The following ATXN3 variants were observed in gnomAD, a reference collection of about 807,000 sequenced individuals.
ATXN3 encodes ataxin 3, also known as ataxin-3.
Under a neutral mutation model 58.2 loss-of-function variants are expected in ATXN3, and 28 were observed. That is an observed-to-expected ratio of 0.48 (90% confidence interval 0.36 to 0.66). The LOEUF (loss-of-function observed/expected upper bound fraction) is 0.66. Among genes scored for constraint, ATXN3 ranks in the 30% least tolerant of loss-of-function variants. The pLI is 0.00. For missense variants in ATXN3, 321 were observed against 422.1 expected, an observed-to-expected ratio of 0.76 and a Z score of 2.10; for synonymous variants, 113 against 138.5, an observed-to-expected ratio of 0.82 and a Z score of 1.29.
rs779963548 is a variant in ATXN3 at position 92,088,830 on chromosome 14, T to G, written c.388-13A>C. 6.5e-7 allele frequency: 1 copy of G among 1,533,328 alleles called. No homozygotes were observed. Among genetic ancestry groups the G allele is most frequent in the Non-Finnish European group, 9.0e-7 (1 of 1,108,016 alleles). The allele number at this position is 1,533,328 out of a possible 1,614,324, so 95.0% of individuals were successfully genotyped here. The stretch of plus-strand genomic sequence containing the variant: ...TCAAGTTAAACCACTGGAAAAAAAT[T>G]GTCAATATTTAAGTTAGTGTATATT... On this transcript the variant is annotated splice_polypyrimidine_tract_variant and intron_variant, in intron 5 of 10. Coordinates refer to ENST00000644486, the MANE Select transcript of ATXN3 (RefSeq NM_004993.6).
Position 92,064,601 on chromosome 14 carries a change from C to A in ATXN3, c.992-187G>T, listed in dbSNP as rs567182665. Among the ~76,000 whole-genome samples the A allele has an allele frequency of 4.6e-5, 7 of 152,266 alleles. No homozygotes were observed. In the South Asian group the frequency reaches 1.2e-3, roughly 27 times the overall value. On this transcript the variant is annotated intron_variant, in intron 10 of 10. Transcript: ENST00000644486. Reference sequence around the variant, plus strand: ...ACAAATACACCATCAAGATACACAACCATTCCATTGCCCCAGAAAATTCCC... The same window carrying A: ...ACAAATACACCATCAAGATACACAAACATTCCATTGCCCCAGAAAATTCCC...
rs372732054 is a variant in ATXN3 at position 92,070,355 on chromosome 14, G to A, written c.991+580C>T. 5.9e-5 allele frequency among the ~76,000 whole-genome samples: 9 copies of A among 152,254 alleles called. No homozygotes were observed. The East Asian group carries it at 9.7e-4, about 16-fold the overall frequency. On this transcript the variant is annotated intron_variant, in intron 10 of 10. Transcript: ENST00000644486. ...AGCACTTTGGGAGGCCGAGGCGGGC[G>A]GATCATGAGGTCAGGAGATTGAGAC...
intron 1 of ATXN3, among the ~76,000 whole-genome samples, chr14:92,105,086 T>C (rs768864175): frequency 2.1e-4 from 32 of 152,070 alleles, no homozygotes; most frequent in Non-Finnish European, 4.4e-4. Context: ...TCAGCCTATT[T>C]CAAAAGTTTC....
chr14:92,080,718 T>C (rs2061312007), intron 9 of ATXN3: 1 of 430,418 alleles, frequency 2.3e-6, no homozygotes, highest in South Asian at 1.7e-5. Flanking sequence ...GTATTTTTAG[T>C]AGAGATGGGG....
intron 10 of ATXN3, 82 bp downstream of exon 10, chr14:92,070,853 T>TG (rs1271316959): frequency 6.2e-7 from 1 of 1,612,226 alleles, no homozygotes; most frequent in Non-Finnish European, 8.5e-7. Flanking sequence ...TGAAGAATAA[T>TG]GTAAAGCAAA....
At chr14:92,065,454 C>T (rs1190494373) in intron 10 of ATXN3, among the ~76,000 whole-genome samples, 2 of 152,170 alleles carry the variant, frequency 1.3e-5, no homozygotes, top group Non-Finnish European at 2.9e-5. Context: ...CTATTTTTGG[C>T]TGGGCACAGT....
At chr14:92,100,931 T>A (rs1410501663) in intron 1 of ATXN3, among the ~76,000 whole-genome samples, 1 of 152,238 alleles carries the variant, frequency 6.6e-6, no homozygotes, top group Non-Finnish European at 1.5e-5. Flanking sequence ...AAATTTCCTG[T>A]CTTGCTGTCA....
downstream of ATXN3, among the ~76,000 whole-genome samples, chr14:92,057,115 C>G (rs1355764699): frequency 6.6e-6 from 1 of 152,138 alleles, no homozygotes; most frequent in East Asian, 1.9e-4. Flanking sequence ...ATAATCCACC[C>G]CTTGTTTAGC....
At chr14:92,088,383 A>G (rs1343061298) in intron 6 of ATXN3, among the ~76,000 whole-genome samples, 1 of 152,160 alleles carries the variant, frequency 6.6e-6, no homozygotes, top group Non-Finnish European at 1.5e-5. Flanking sequence ...AGGGGCATGT[A>G]TTTCAAAGAA....
intron 10 of ATXN3, 36 bp downstream of exon 10, chr14:92,070,899 A>AG: frequency 6.2e-7 from 1 of 1,613,760 alleles, no homozygotes; most frequent in Non-Finnish European, 8.5e-7. Context: ...TAAAGTGTGA[A>AG]GGTAGCGAAC....
At chr14:92,057,324 G>A (rs551576886), downstream of ATXN3, among the ~76,000 whole-genome samples, 5 of 152,112 alleles carry the variant, frequency 3.3e-5, no homozygotes, top group African/African-American at 1.2e-4. Context: ...GCTGAGGCAG[G>A]AGAATTGCTT....
At chr14:92,052,555 G>T (rs2057452621), upstream of ATXN3, among the ~76,000 whole-genome samples, 1 of 151,926 alleles carries the variant, frequency 6.6e-6, no homozygotes, top group South Asian at 2.1e-4. Context: ...ACTGCTAATT[G>T]TTCCCCAAAG....
chr14:92,074,943 A>C (rs1283489559), intron 9 of ATXN3, among the ~76,000 whole-genome samples: 1 of 152,228 alleles, frequency 6.6e-6, no homozygotes, highest in Admixed American at 6.5e-5. Context: ...GTATGTATGG[A>C]ATACTTTACA....
chr14:92,086,258 A>AAAAAAAAG, intron 6 of ATXN3, among the ~76,000 whole-genome samples: 1 of 149,894 alleles, frequency 6.7e-6, no homozygotes, highest in African/African-American at 2.5e-5. Flanking sequence ...AAATACAAAA[A>AAAAAAAAG]AAAAAAAAAA....
At chr14:92,097,015 C>T in intron 1 of ATXN3, 177 bp from the exon 2 acceptor site, 2 of 545,050 alleles carry the variant, frequency 3.7e-6, no homozygotes, top group East Asian at 3.8e-5. Flanking sequence ...TCATGCCATT[C>T]TCCTGCCTCA....
At chr14:92,085,822 A>C (rs2062359445) in intron 6 of ATXN3, among the ~76,000 whole-genome samples, 3 of 152,228 alleles carry the variant, frequency 2.0e-5, no homozygotes, top group Admixed American at 6.5e-5. Context: ...AATTATTGAC[A>C]CATAGATCTT....
rs1641777757 is a variant in ATXN3 at position 92,106,386 on chromosome 14, G to A, written c.24+143C>T. On this transcript the variant is annotated intron_variant, in intron 1 of 10. Coordinates refer to ENST00000644486, the MANE Select transcript of ATXN3 (RefSeq NM_004993.6). The stretch of plus-strand genomic sequence containing the variant: ...CTCCCCTCCTCGAGCCGAGGAGGCG[G>A]GAGGCTGCGGCGTCGCCCCTCGCCG... The A allele has an allele frequency of 3.9e-6, 4 of 1,035,476 alleles. No individual in the cohort carries two copies. The East Asian group carries it at 1.1e-4, about 27-fold the overall frequency. 64.1% of individuals were successfully genotyped at this position (1,035,476 alleles called of 1,614,324 possible).
chr14:92,101,011 G>T (rs562411792), intron 1 of ATXN3, among the ~76,000 whole-genome samples: 1 of 149,964 alleles, frequency 6.7e-6, no homozygotes, highest in Non-Finnish European at 1.5e-5. Context: ...CCAAATATTT[G>T]ATTAAAATTC....
upstream of ATXN3, chr14:92,050,707 GT>G (rs2057445022): frequency 6.6e-6 from 1 of 152,548 alleles, no homozygotes; most frequent in Non-Finnish European, 1.5e-5. Flanking sequence ...CTGGAGTGCA[GT>G]CGTTCCATCT....
Sources: allele counts gnomAD v4.1 joint callset (sites outside exome capture counted in the v4.1 genomes callset), GRCh38; gene constraint gnomAD v4.1.1; transcripts MANE v1.5; gene names NCBI Gene and HGNC (gene_info 2026-07-23, HGNC 2026-07-21).